The following PTPRG variants were observed in gnomAD, a reference collection of about 807,000 sequenced individuals.
The protein encoded by PTPRG is receptor-type tyrosine-protein phosphatase gamma.
A neutral mutation model predicts 165.3 loss-of-function variants in PTPRG; 102 were observed. That is an observed-to-expected ratio of 0.62 (90% CI 0.53 to 0.73). PTPRG has a LOEUF of 0.73. Among genes scored for constraint, PTPRG ranks in the 30% least tolerant of loss-of-function variants. The pLI is 0.00. For missense variants in PTPRG, 1,866 were observed against 1,861.4 expected (o/e 1.00, Z -0.05); for synonymous variants, 675 against 669.5 (o/e 1.01, Z -0.13).
chr3:62,072,725 T>C (rs1264104738), intron 4 of PTPRG, among the ~76,000 whole-genome samples: 1 of 152,146 alleles, frequency 6.6e-6, no homozygotes, highest in Non-Finnish European at 1.5e-5. Context: ...ACAGGATTGA[T>C]TCAACTTTCC....
chr3:62,042,581 T>C (rs1700164090), intron 4 of PTPRG, among the ~76,000 whole-genome samples: 1 of 152,132 alleles, frequency 6.6e-6, no homozygotes, highest in Admixed American at 6.5e-5. Context: ...GACCATTTGA[T>C]ATTGTCTCTT....
chr3:61,742,977 C>T (rs1247796893), intron 1 of PTPRG: 13 of 1,516,104 alleles, frequency 8.6e-6, no homozygotes, highest in Non-Finnish European at 1.1e-5. Flanking sequence ...ACTTGTCCTT[C>T]TGGGGGTCAT....
chr3:61,768,389 G>A (rs1449170862), intron 2 of PTPRG, among the ~76,000 whole-genome samples: 2 of 152,202 alleles, frequency 1.3e-5, no homozygotes, highest in South Asian at 2.1e-4. Context: ...TAGCCTCTGG[G>A]AGTAGAGTTT....
intron 4 of PTPRG, among the ~76,000 whole-genome samples, chr3:62,029,283 T>A (rs540939461): frequency 1.3e-5 from 2 of 152,148 alleles, no homozygotes; most frequent in South Asian, 4.1e-4. Flanking sequence ...CGAGTTAGAG[T>A]CCATTTGGAG....
chr3:62,178,053 G>A (rs1705497465), intron 8 of PTPRG, among the ~76,000 whole-genome samples: 1 of 138,748 alleles, frequency 7.2e-6, no homozygotes, highest in Non-Finnish European at 1.6e-5. Context: ...GTGGGTGGGT[G>A]GGTGGATGGA....
intron 2 of PTPRG, among the ~76,000 whole-genome samples, chr3:61,978,782 A>G (rs1288936334): frequency 6.6e-6 from 1 of 152,192 alleles, no homozygotes; most frequent in African/African-American, 2.4e-5. Context: ...TCTTTAGACA[A>G]TATATGAATG....
chr3:62,185,800 A>G (rs1305889942), intron 8 of PTPRG, among the ~76,000 whole-genome samples: 1 of 152,202 alleles, frequency 6.6e-6, no homozygotes. Context: ...GTTTATCCAC[A>G]GTGTTCCCTC....
Position 61,738,318 on chromosome 3 carries a change from A to ATG in PTPRG, c.86-10559_86-10558insGT, listed in dbSNP as rs1559583449. Among the ~76,000 whole-genome samples the ATG allele has an allele frequency of 2.5e-4, 24 of 96,982 alleles. 1 individual carries two copies. The East Asian group carries it at 3.4e-3, about 14-fold the overall frequency. The allele number at this position is 96,982 out of a possible 152,430, so 63.6% of individuals were successfully genotyped here. On this transcript the variant is annotated intron_variant, in intron 1 of 29. Coordinates refer to ENST00000474889, the MANE Select transcript of PTPRG (RefSeq NM_002841.4). The stretch of plus-strand genomic sequence containing the variant: ...TATATATATATATATATATACATAT[A>ATG]TATATATATATATATATATGTATAT...
intron 2 of PTPRG, among the ~76,000 whole-genome samples, chr3:61,864,863 A>T (rs2037363024): frequency 6.6e-6 from 1 of 152,184 alleles, no homozygotes; most frequent in Non-Finnish European, 1.5e-5. Context: ...AGATTGCTCC[A>T]CAATGTTCCT....
At chr3:62,104,528 A>G (rs1345118406) in intron 5 of PTPRG, among the ~76,000 whole-genome samples, 2 of 152,184 alleles carry the variant, frequency 1.3e-5, no homozygotes, top group Admixed American at 1.3e-4. Context: ...TCAGTTATCC[A>G]CTTAGTAAAT....
At chr3:62,029,865 AAC>A (rs1165313825) in intron 4 of PTPRG, among the ~76,000 whole-genome samples, 2 of 152,248 alleles carry the variant, frequency 1.3e-5, no homozygotes, top group African/African-American at 4.8e-5. Flanking sequence ...TTCCTAAAAT[AAC>A]ACAGTGCATT....
intron 1 of PTPRG, among the ~76,000 whole-genome samples, chr3:61,632,343 ATAGTC>A (rs1345614795): frequency 6.6e-4 from 101 of 152,222 alleles, no homozygotes; most frequent in Middle Eastern, 3.4e-3. Flanking sequence ...ACACAAATCT[ATAGTC>A]TAGAGGAAGT....
At chr3:61,874,744 G>T (rs1194620088) in intron 2 of PTPRG, among the ~76,000 whole-genome samples, 1 of 152,184 alleles carries the variant, frequency 6.6e-6, no homozygotes, top group Non-Finnish European at 1.5e-5. Context: ...GCACAGGACA[G>T]TCCTCCACAA....
At chr3:62,266,297 G>A (rs781587038) in intron 17 of PTPRG, among the ~76,000 whole-genome samples, 7 of 152,052 alleles carry the variant, frequency 4.6e-5, no homozygotes, top group African/African-American at 1.4e-4. Context: ...AAATCAGACC[G>A]TGAATGAGCC....
chr3:61,851,854 G>T (rs1452344287), intron 2 of PTPRG, among the ~76,000 whole-genome samples: 1 of 152,088 alleles, frequency 6.6e-6, no homozygotes, highest in East Asian at 1.9e-4. Context: ...AGAAGGGGTA[G>T]TTCAAAAAGT....
In PTPRG at chr3:62,168,023, C is replaced by T. The variant is rs1705064222; in HGVS notation, c.893C>T (p.Ser298Leu). The T allele has an allele frequency of 2.5e-6, 4 of 1,613,664 alleles. No individual in the cohort carries two copies. Among genetic ancestry groups the T allele is most frequent in the East Asian group, 2.2e-5 (1 of 44,862 alleles). ...FTTEQQDHVK[S>L]VEYLRNNFRP... ...ACGGAGCAGCAAGACCATGTCAAGT[C>T]GGTGGAGTATCTGAGAAATAACTTT... The change falls in exon 8 of 30, where the codon TCG (serine) becomes TTG (leucine). Residue 298 changes from serine to leucine, a missense_variant. By Grantham distance (145) the Ser-to-Leu change is moderately radical. Around this residue, in one of 3 missense-constraint regions of PTPRG, gnomAD observed 6 missense variants for 22.3 expected, o/e 0.27. Coordinates refer to ENST00000474889, the MANE Select transcript of PTPRG (RefSeq NM_002841.4).
chr3:61,669,066 G>A (rs764921034), intron 1 of PTPRG, among the ~76,000 whole-genome samples: 1 of 152,172 alleles, frequency 6.6e-6, no homozygotes, highest in Non-Finnish European at 1.5e-5. Flanking sequence ...TGTGCATTGC[G>A]TTTGTATTAT....
chr3:62,114,109 G>T (rs1702771347), intron 5 of PTPRG, among the ~76,000 whole-genome samples: 1 of 152,152 alleles, frequency 6.6e-6, no homozygotes, highest in Non-Finnish European at 1.5e-5. Flanking sequence ...GACCAGCCTG[G>T]CCAACATGGT....
intron 2 of PTPRG, among the ~76,000 whole-genome samples, chr3:61,883,313 G>T (rs2037939328): frequency 1.3e-5 from 2 of 152,090 alleles, no homozygotes; most frequent in Non-Finnish European, 2.9e-5. Flanking sequence ...TGTCACCTGT[G>T]TACTGGGGAG....
Sources: allele counts gnomAD v4.1 joint callset (sites outside exome capture counted in the v4.1 genomes callset), GRCh38; gene constraint gnomAD v4.1.1; regional missense constraint gnomAD v4.1.1; transcripts MANE v1.5; gene names NCBI Gene and HGNC (gene_info 2026-07-23, HGNC 2026-07-21).